ADAP1: variants seen among roughly 807,000 people sequenced by gnomAD.
ADAP1 encodes the protein arf-GAP with dual PH domain-containing protein 1.
ADAP1 carries 31 observed loss-of-function variants against 54.9 expected under a neutral mutation model. That is an observed-to-expected ratio of 0.56 (90% CI 0.42 to 0.76). ADAP1 has a LOEUF of 0.76. Ranked by LOEUF, ADAP1 falls within the 30% of genes least tolerant of loss-of-function variation. The pLI is 0.00. For missense variants in ADAP1, 535 were observed against 512.4 expected (o/e 1.04, Z -0.42); for synonymous variants, 313 against 202.6 (o/e 1.55, Z -4.63).
rs138314957 is a variant in ADAP1, at chr7:951,102, C to T, written c.82+3294G>A. ...TATTTTTAAAAAATCCGGCCAGGCG[C>T]GGTGGCTCATGCCTGGAATCCCAGC... On this transcript the variant is annotated intron_variant, in intron 1 of 10. Transcript: ENST00000265846. Among the ~76,000 whole-genome samples, 537 of 152,170 alleles carry T rather than the reference C, an allele frequency of 3.5e-3. 2 individuals are homozygous for T. The highest frequency in any genetic ancestry group is 0.011 in the African/African-American group (459 of 41,516).
intron 4 of ADAP1, among the ~76,000 whole-genome samples, chr7:907,873 G>A (rs1464165781): frequency 6.6e-5 from 10 of 151,734 alleles, no homozygotes; most frequent in Admixed American, 2.0e-4. Flanking sequence ...CCCAGTGGGC[G>A]CCGCCTCTCC....
At chr7:900,889 G>GGGCCA in intron 6 of ADAP1, 3 of 583,998 alleles carry the variant, frequency 5.1e-6, no homozygotes, top group Non-Finnish European at 9.7e-6. Flanking sequence ...CCGAAGGGCC[G>GGGCCA]GGCCGGGCCG....
intron 6 of ADAP1, among the ~76,000 whole-genome samples, chr7:902,634 A>G (rs907162683): frequency 2.0e-5 from 3 of 151,922 alleles, no homozygotes; most frequent in Admixed American, 6.6e-5. Context: ...AAGAGCACCA[A>G]TAACAGGAGT....
intron 4 of ADAP1, among the ~76,000 whole-genome samples, chr7:913,329 T>A (rs1845800569): frequency 6.6e-6 from 1 of 150,680 alleles, no homozygotes; most frequent in Admixed American, 6.6e-5. Flanking sequence ...GCCTCCCAAG[T>A]AGCTGGGACT....
rs962304667 is a variant in ADAP1, at chr7:898,624, G to A, written c.*297C>T. 5.2e-5 allele frequency: 25 copies of A among 484,442 alleles called. No homozygotes were observed. In the South Asian group the frequency reaches 5.3e-4, roughly 10 times the overall value. 30.0% of individuals were successfully genotyped at this position (484,442 alleles called of 1,614,324 possible). On this transcript the variant is annotated 3_prime_UTR_variant, in exon 11 of 11. Transcript: ENST00000265846. ...TCCTGGGGGCTGTGTCTGAGCTCGG[G>A]AGCCAGACTGGGCCCTGGAGGAAAG...
intron 4 of ADAP1, among the ~76,000 whole-genome samples, chr7:908,848 C>A (rs1845587741): frequency 6.6e-6 from 1 of 152,220 alleles, no homozygotes; most frequent in Non-Finnish European, 1.5e-5. Context: ...ATGCAGACGA[C>A]AAGTTTGGGC....
In ADAP1 at chr7:898,762, A is replaced by ATCCTGGAAGCTGAAGCTCGGGCCCT; in HGVS notation, c.*134_*158dup. 1.1e-6 allele frequency: 1 copy of ATCCTGGAAGCTGAAGCTCGGGCCCT among 916,718 alleles called. No individual in the cohort carries two copies. The highest frequency in any genetic ancestry group is 1.7e-6 in the Non-Finnish European group (1 of 601,578). The allele number at this position is 916,718 out of a possible 1,614,324, so 56.8% of individuals were successfully genotyped here. A position where few individuals can be genotyped will look rare whatever the true frequency, so the allele number is the denominator to read the frequency against. ...GCCTGCCTTGAGGTTCCAGAGAAGC[A>ATCCTGGAAGCTGAAGCTCGGGCCCT]TCCTGGAAGCTGAAGCTCGGGCCCT... On this transcript the variant is annotated 3_prime_UTR_variant, in exon 11 of 11. Coordinates refer to ENST00000265846, the MANE Select transcript of ADAP1 (RefSeq NM_006869.4).
intron 4 of ADAP1, chr7:905,589 GAAAGGAGAAAGGAGAAAGGAGAAAGGAGA>G: frequency 4.7e-5 from 2 of 42,912 alleles, no homozygotes; most frequent in Non-Finnish European, 3.5e-5. Flanking sequence ...GGAGAAAGGA[GAAAGGAGAAAGGAGAAAGGAGAAAGGAGA>G]AAGGGAAAGG....
intron 4 of ADAP1, among the ~76,000 whole-genome samples, chr7:918,204 G>A (rs928398352): frequency 4.1e-4 from 62 of 152,218 alleles, no homozygotes; most frequent in African/African-American, 1.4e-3. Flanking sequence ...CCACCGGCGT[G>A]AGCCACCGTG....
At position 906,728 on chromosome 7, in the gene ADAP1, C is replaced by A. The variant is rs1562915442; in HGVS notation, c.389-1556G>T. 1.3e-3 allele frequency among the ~76,000 whole-genome samples: 47 copies of A among 35,328 alleles called. 3 individuals are homozygous for A. In the East Asian group the frequency reaches 0.02, roughly 15 times the overall value. The allele number at this position is 35,328 out of a possible 152,430, so 23.2% of individuals were successfully genotyped here. On this transcript the variant is annotated intron_variant, in intron 4 of 10. Transcript: ENST00000265846. ...GGGGGACGGGACATCGGGGACGGGA[C>A]ATGGGGGACAGAGTACATAGGGGAC... is the stretch of plus-strand genomic sequence containing the variant.
intron 6 of ADAP1, among the ~76,000 whole-genome samples, chr7:902,949 A>C (rs2128634452): frequency 6.6e-6 from 1 of 152,310 alleles, no homozygotes. Flanking sequence ...GAACAGTCCA[A>C]GGTGCCAGGT....
intron 6 of ADAP1, chr7:901,080 G>T: frequency 2.1e-6 from 1 of 469,258 alleles, no homozygotes. Context: ...AACGCCCTTG[G>T]AGCTGTGGCC....
At chr7:908,768 C>T (rs1474521362) in intron 4 of ADAP1, among the ~76,000 whole-genome samples, 2 of 152,238 alleles carry the variant, frequency 1.3e-5, no homozygotes, top group African/African-American at 4.8e-5. Flanking sequence ...GCGGCGCTTC[C>T]CGGCCTCTGC....
chr7:936,691 G>T (rs527500474), intron 1 of ADAP1, among the ~76,000 whole-genome samples: 1 of 152,226 alleles, frequency 6.6e-6, no homozygotes, highest in African/African-American at 2.4e-5. Flanking sequence ...ACCCTAGAGA[G>T]AACAGTCTCT....
At position 920,938 on chromosome 7, in the gene ADAP1, G is replaced by T; in HGVS notation, c.306-888C>A. ...CTGTGGCTTCCTGCTGGGCCCACGT[G>T]AACAGCCTTGGAGACTGGGCGGGAA... On this transcript the variant is annotated intron_variant, in intron 3 of 10. Coordinates refer to ENST00000265846, the MANE Select transcript of ADAP1 (RefSeq NM_006869.4). This position sits in a 1 kb window ranked among gnomAD's most constrained non-coding sequence, Gnocchi z 4.5. The T allele has an allele frequency of 7.0e-7, 1 of 1,433,784 alleles. No individual in the cohort carries two copies. The highest frequency in any genetic ancestry group is 9.6e-7 in the Non-Finnish European group (1 of 1,046,612). 88.8% of individuals were successfully genotyped at this position (1,433,784 alleles called of 1,614,324 possible).
intron 4 of ADAP1, among the ~76,000 whole-genome samples, chr7:907,438 C>T (rs1458661793): frequency 6.6e-6 from 1 of 152,134 alleles, no homozygotes; most frequent in African/African-American, 2.4e-5. Context: ...CAGCTCTGCC[C>T]ACTCCGAGTC....
chr7:907,573 C>T (rs1307474699), intron 4 of ADAP1, among the ~76,000 whole-genome samples: 1 of 152,192 alleles, frequency 6.6e-6, no homozygotes, highest in African/African-American at 2.4e-5. Flanking sequence ...TTCCCATCCC[C>T]CCCAGGCCCC....
chr7:914,262 G>A (rs1032445799), intron 4 of ADAP1, among the ~76,000 whole-genome samples: 2 of 152,346 alleles, frequency 1.3e-5, no homozygotes, highest in Admixed American at 6.5e-5. Context: ...TGTGGGTGTG[G>A]CAGGCCCTTC....
chr7:899,312 C>A (rs1424822158), intron 9 of ADAP1, 51 bp from the exon 10 acceptor site: 1 of 1,608,190 alleles, frequency 6.2e-7, no homozygotes. Flanking sequence ...TCCAGCCCCG[C>A]TTCACTCAGG....
Sources: allele counts gnomAD v4.1 joint callset (sites outside exome capture counted in the v4.1 genomes callset), GRCh38; gene constraint gnomAD v4.1.1; non-coding constraint Gnocchi (gnomAD v3.1); transcripts MANE v1.5; gene names NCBI Gene and HGNC (gene_info 2026-07-23, HGNC 2026-07-21).